The following OSTF1 variants were observed in gnomAD, a reference collection of about 807,000 sequenced individuals.
OSTF1 encodes the protein osteoclast stimulating factor 1.
A neutral mutation model predicts 37.2 loss-of-function variants in OSTF1; 27 were observed. The ratio of observed to expected loss-of-function variants is 0.73; its 90% CI spans 0.54 to 1.00. The LOEUF is 1.00. Ranked by LOEUF, OSTF1 falls within the 50% of genes least tolerant of loss-of-function variation. The pLI is 0.00. For missense variants in OSTF1, 232 were observed against 253.8 expected, an observed-to-expected ratio of 0.91 and a Z score of 0.58; for synonymous variants, 82 against 89.2, an observed-to-expected ratio of 0.92 and a Z score of 0.46.
At chr9:75,100,174 A>G (rs1225709959) in intron 1 of OSTF1, among the ~76,000 whole-genome samples, 3 of 152,220 alleles carry the variant, frequency 2.0e-5, no homozygotes, top group Admixed American at 6.5e-5. Flanking sequence ...ATTGGTGGCA[A>G]GCCACTGCCC....
chr9:75,095,606 C>CT (rs1487416972), intron 1 of OSTF1, among the ~76,000 whole-genome samples: 1 of 152,180 alleles, frequency 6.6e-6, no homozygotes, highest in Admixed American at 6.5e-5. Flanking sequence ...GGCTAAGCTT[C>CT]TTTCAGAGAA....
At chr9:75,093,151 G>A (rs779077780) in intron 1 of OSTF1, among the ~76,000 whole-genome samples, 1 of 149,370 alleles carries the variant, frequency 6.7e-6, no homozygotes, top group Non-Finnish European at 1.5e-5. Context: ...TCCTTCCTGA[G>A]CTTCCAGAGT....
chr9:75,098,999 C>T (rs767904077), intron 1 of OSTF1, among the ~76,000 whole-genome samples: 6 of 152,062 alleles, frequency 3.9e-5, no homozygotes, highest in African/African-American at 9.7e-5. Flanking sequence ...TGCAATGGCA[C>T]GATCTTGGCT....
At chr9:75,101,740 G>A (rs1489547231) in intron 1 of OSTF1, among the ~76,000 whole-genome samples, 1 of 152,082 alleles carries the variant, frequency 6.6e-6, no homozygotes, top group Non-Finnish European at 1.5e-5. Flanking sequence ...CTACCAACTT[G>A]GCCCCTGTGT....
chr9:75,111,516 C>T (rs1212337515), intron 1 of OSTF1, among the ~76,000 whole-genome samples: 1 of 152,136 alleles, frequency 6.6e-6, no homozygotes, highest in Admixed American at 6.5e-5. Flanking sequence ...CTGCTTAGAT[C>T]CTTAGTGCTA....
chr9:75,123,027 C>G (rs916551311), intron 2 of OSTF1, among the ~76,000 whole-genome samples: 2 of 152,104 alleles, frequency 1.3e-5, no homozygotes. Context: ...TATATGTTAC[C>G]AAGTGTGTAC....
At chr9:75,144,331 G>C (rs1427245950) in intron 9 of OSTF1, among the ~76,000 whole-genome samples, 3 of 152,122 alleles carry the variant, frequency 2.0e-5, no homozygotes, top group African/African-American at 7.2e-5. Context: ...AGGGAGGATT[G>C]CTTGCATCTG....
intron 7 of OSTF1, among the ~76,000 whole-genome samples, chr9:75,136,227 T>C (rs1825840425): frequency 6.6e-6 from 1 of 152,208 alleles, no homozygotes; most frequent in Admixed American, 6.5e-5. Context: ...TGACACAATA[T>C]GATCTTATAT....
Position 75,137,543 on chromosome 9 carries a change from G to A in OSTF1, c.414G>A (p.Lys138=), listed in dbSNP as rs1825862033. The change falls in exon 8 of 10, where the codon AAG becomes AAA. Residue 138 remains lysine, a synonymous_variant. Transcript: ENST00000346234. ...QPNIELNQQN[K]LGDTALHAAA... ...TTCTCTTTTTATCACTATAGAACAA[G>A]TTGGGAGATACAGCTTTGCATGCTG... 4 of 1,604,836 alleles carry A rather than the reference G, an allele frequency of 2.5e-6. No homozygotes were observed. In the South Asian group the frequency reaches 3.3e-5, roughly 13 times the overall value.
intron 1 of OSTF1, among the ~76,000 whole-genome samples, chr9:75,104,515 G>C (rs1166754705): frequency 2.0e-5 from 3 of 152,094 alleles, no homozygotes; most frequent in Admixed American, 2.0e-4. Flanking sequence ...ACTCCAGCCT[G>C]GGTGACAGAG....
intron 8 of OSTF1, among the ~76,000 whole-genome samples, chr9:75,140,230 C>T (rs1279352816): frequency 6.6e-6 from 1 of 152,094 alleles, no homozygotes. Flanking sequence ...TTACCTTAGG[C>T]GTAGGTAGAA....
At chr9:75,128,385 TATATATATATATATATATA>T (rs1564164965) in intron 3 of OSTF1, among the ~76,000 whole-genome samples, 34 of 90,002 alleles carry the variant, frequency 3.8e-4, no homozygotes, top group African/African-American at 7.6e-4. Context: ...TATATATATA[TATATATATATATATATATA>T]TATTTTGTCC....
intron 9 of OSTF1, among the ~76,000 whole-genome samples, chr9:75,144,084 A>G (rs1478175837): frequency 6.6e-6 from 1 of 152,262 alleles, no homozygotes; most frequent in Non-Finnish European, 1.5e-5. Flanking sequence ...TTTGTCTCTC[A>G]GGCTTTAGCT....
At chr9:75,117,833 T>G (rs1315214387) in intron 2 of OSTF1, among the ~76,000 whole-genome samples, 1 of 152,234 alleles carries the variant, frequency 6.6e-6, no homozygotes, top group African/African-American at 2.4e-5. Flanking sequence ...CGACCCTGTC[T>G]TAGTCATCTT....
chr9:75,088,527 G>T lies in OSTF1; in HGVS notation c.-166G>T. The stretch of plus-strand genomic sequence containing the variant: ...GCGGGGCGGAGCACTCGGCGGAGCC[G>T]CTCTGCCTGCGTCCGCTCTTCCCGC... On this transcript the variant is annotated 5_prime_UTR_variant, in exon 1 of 10. Coordinates refer to ENST00000346234, the MANE Select transcript of OSTF1 (RefSeq NM_012383.5). 5 of 727,042 alleles carry T rather than the reference G, an allele frequency of 6.9e-6. No individual in the cohort carries two copies. Among genetic ancestry groups the T allele is most frequent in the Non-Finnish European group, 1.1e-5 (5 of 435,542 alleles). 45.0% of individuals were successfully genotyped at this position (727,042 alleles called of 1,614,324 possible).
At chr9:75,113,881 A>G (rs1825435762) in intron 1 of OSTF1, among the ~76,000 whole-genome samples, 1 of 152,200 alleles carries the variant, frequency 6.6e-6, no homozygotes, top group South Asian at 2.1e-4. Flanking sequence ...TGTACAATAG[A>G]TCTCTTGAAC....
chr9:75,116,575 T>A (rs150266092), intron 1 of OSTF1, among the ~76,000 whole-genome samples: 1 of 151,588 alleles, frequency 6.6e-6, no homozygotes, highest in South Asian at 2.1e-4. Context: ...TTTTGGGACT[T>A]AATGGAATCA....
intron 8 of OSTF1, among the ~76,000 whole-genome samples, chr9:75,139,683 A>T (rs909881003): frequency 6.6e-6 from 1 of 152,216 alleles, no homozygotes. Flanking sequence ...TTGGCCTCCT[A>T]AAGTGCCAGG....
In OSTF1 at chr9:75,146,782, T is replaced by A; in HGVS notation, c.*41T>A. ...TTGAGATCTAAAACTTCTGTTGCTT[T>A]TGCCATTCCAAAACTTTGTCTTTGC... is the stretch of plus-strand genomic sequence containing the variant. On this transcript the variant is annotated 3_prime_UTR_variant, in exon 10 of 10. Transcript: ENST00000346234. The A allele has an allele frequency of 6.9e-7, 1 of 1,454,102 alleles. No individual in the cohort carries two copies. Among genetic ancestry groups the A allele is most frequent in the Non-Finnish European group, 9.5e-7 (1 of 1,049,410 alleles). The allele number at this position is 1,454,102 out of a possible 1,614,324, so 90.1% of individuals were successfully genotyped here.
Sources: gnomAD v4.1 joint callset for allele counts (sites outside exome capture counted in the v4.1 genomes callset) on GRCh38, gnomAD v4.1.1 for gene constraint, MANE v1.5 for transcripts, NCBI Gene and HGNC (gene_info 2026-07-23, HGNC 2026-07-21) for gene names.